Variants in PABPC4L observed in about 807,000 individuals in gnomAD.
PABPC4L encodes the protein poly(A) binding protein cytoplasmic 4 like.
For synonymous variants in PABPC4L, 169 were observed against 164.1 expected (o/e 1.03, Z -0.23); for missense variants, 452 against 451.4 (o/e 1.00, Z -0.01).
the PABPC4L span, among the ~76,000 whole-genome samples, chr4:134,168,224 CAAATAA>C: frequency 6.6e-6 from 1 of 151,592 alleles, no homozygotes; most frequent in African/African-American, 2.4e-5. Flanking sequence ...AATATTGAAA[CAAATAA>C]AAATAAAAAC....
the PABPC4L span, among the ~76,000 whole-genome samples, chr4:133,987,136 G>A: frequency 3.3e-3 from 497 of 152,248 alleles, 3 homozygotes; most frequent in African/African-American, 8.9e-3. Context: ...TGTTGTTGTT[G>A]TTGTTTTGCT....
the PABPC4L span, among the ~76,000 whole-genome samples, chr4:134,001,275 A>C: frequency 1.3e-5 from 2 of 150,336 alleles, no homozygotes; most frequent in African/African-American, 4.8e-5. Flanking sequence ...AGAGCACCAG[A>C]CAATTAGAGC....
chr4:134,026,810 T>C, the PABPC4L span, among the ~76,000 whole-genome samples: 1 of 152,114 alleles, frequency 6.6e-6, no homozygotes, highest in Non-Finnish European at 1.5e-5. Context: ...GAAATTTTCT[T>C]GAGAAGATGA....
the PABPC4L span, among the ~76,000 whole-genome samples, chr4:133,954,587 C>A: frequency 1.8e-4 from 27 of 152,156 alleles, no homozygotes; most frequent in African/African-American, 6.0e-4. Context: ...AGGTGAATAT[C>A]AAAGGGGTCT....
the PABPC4L span, among the ~76,000 whole-genome samples, chr4:133,977,401 T>C: frequency 1.3e-5 from 2 of 152,196 alleles, no homozygotes; most frequent in Admixed American, 1.3e-4. Context: ...TATGAGCTTT[T>C]TTGTCGTTCT....
the PABPC4L span, among the ~76,000 whole-genome samples, chr4:134,113,891 G>T: frequency 6.6e-6 from 1 of 151,638 alleles, no homozygotes; most frequent in African/African-American, 2.4e-5. Context: ...GAGAGAAGAG[G>T]GTGGCATAAT....
chr4:133,956,463 A>G, the PABPC4L span, among the ~76,000 whole-genome samples: 1 of 152,298 alleles, frequency 6.6e-6, no homozygotes, highest in African/African-American at 2.4e-5. Context: ...ATCTCCTGAT[A>G]GGATTCAGGA....
the PABPC4L span, among the ~76,000 whole-genome samples, chr4:134,035,046 C>G: frequency 6.6e-6 from 1 of 151,918 alleles, no homozygotes; most frequent in Non-Finnish European, 1.5e-5. Flanking sequence ...CACAGTCACT[C>G]AATCTTCTGC....
In PABPC4L at chr4:134,198,850, C is replaced by G. The variant is rs1729749595; in HGVS notation, c.*1057G>C. 6.6e-6 allele frequency: 1 copy of G among 151,914 alleles called. No individual in the cohort carries two copies. The highest frequency in any genetic ancestry group is 1.5e-5 in the Non-Finnish European group (1 of 67,842). 9.4% of individuals were successfully genotyped at this position (151,914 alleles called of 1,614,324 possible). ...ATGTAACTTCAATTCATCAGAAAAT[C>G]AATCAGTGTTTCTGATCAATGAAGG... On this transcript the variant is annotated 3_prime_UTR_variant, in exon 2 of 2. Transcript: ENST00000421491.
chr4:134,011,449 T>C, the PABPC4L span, among the ~76,000 whole-genome samples: 2 of 152,146 alleles, frequency 1.3e-5, no homozygotes, highest in African/African-American at 4.8e-5. Flanking sequence ...CTTTGGAACT[T>C]AATGCAGAAA....
chr4:134,097,092 A>C, the PABPC4L span, among the ~76,000 whole-genome samples: 1 of 152,098 alleles, frequency 6.6e-6, no homozygotes, highest in South Asian at 2.1e-4. Context: ...AATGCTCATC[A>C]GAATTTGATT....
At chr4:133,995,093 G>T in the PABPC4L span, among the ~76,000 whole-genome samples, 1 of 152,162 alleles carries the variant, frequency 6.6e-6, no homozygotes, top group African/African-American at 2.4e-5. Flanking sequence ...CCCTAGTTTG[G>T]AGCGGGGCCT....
the PABPC4L span, among the ~76,000 whole-genome samples, chr4:134,000,347 A>T: frequency 6.6e-6 from 1 of 152,148 alleles, no homozygotes; most frequent in East Asian, 1.9e-4. Context: ...TTAAATGAAA[A>T]GTTAAAGGAA....
chr4:133,978,241 C>G, the PABPC4L span, among the ~76,000 whole-genome samples: 1 of 152,172 alleles, frequency 6.6e-6, no homozygotes, highest in African/African-American at 2.4e-5. Context: ...TGCTCCACCC[C>G]ATCTGGACCA....
chr4:133,970,619 G>T, the PABPC4L span, among the ~76,000 whole-genome samples: 1 of 152,064 alleles, frequency 6.6e-6, no homozygotes. Flanking sequence ...CCAGTCTCAG[G>T]GTGTAACATC....
the PABPC4L span, among the ~76,000 whole-genome samples, chr4:133,995,104 G>C: frequency 8.4e-4 from 128 of 152,280 alleles, no homozygotes; most frequent in African/African-American, 3.0e-3. Context: ...AGCGGGGCCT[G>C]GGGCCAGCCC....
At chr4:134,167,962 T>C in the PABPC4L span, among the ~76,000 whole-genome samples, 2 of 152,030 alleles carry the variant, frequency 1.3e-5, no homozygotes, top group Non-Finnish European at 1.5e-5. Flanking sequence ...TTATAGAACA[T>C]TTCATATAAC....
the PABPC4L span, among the ~76,000 whole-genome samples, chr4:133,961,534 G>C: frequency 2.0e-5 from 3 of 152,168 alleles, no homozygotes; most frequent in African/African-American, 4.8e-5. Flanking sequence ...TCTATCACCT[G>C]AGAGCACAGG....
chr4:134,037,440 A>G, the PABPC4L span, among the ~76,000 whole-genome samples: 2 of 152,052 alleles, frequency 1.3e-5, no homozygotes, highest in Non-Finnish European at 2.9e-5. Flanking sequence ...TGTAATTACT[A>G]TCTTTGGAAG....
Sources: allele counts gnomAD v4.1 joint callset (sites outside exome capture counted in the v4.1 genomes callset), GRCh38; gene constraint gnomAD v4.1.1; transcripts MANE v1.5; gene names NCBI Gene and HGNC (gene_info 2026-07-23, HGNC 2026-07-21).